LIPH: variants seen among roughly 807,000 people sequenced by gnomAD.
The protein encoded by LIPH is lipase member H.
A neutral mutation model predicts 47.6 loss-of-function variants in LIPH; 32 were observed. The ratio of observed to expected loss-of-function variants is 0.67; its 90% CI spans 0.51 to 0.90. LIPH has a LOEUF of 0.90. Ranked by LOEUF, LIPH falls within the 40% of genes least tolerant of loss-of-function variation. LIPH has a pLI of 0.00. For synonymous variants in LIPH, 190 were observed against 195.6 expected (o/e 0.97, Z 0.24); for missense variants, 497 against 541.4 (o/e 0.92, Z 0.81).
At chr3:185,531,105 T>C (rs1489480859) in intron 3 of LIPH, among the ~76,000 whole-genome samples, 1 of 152,120 alleles carries the variant, frequency 6.6e-6, no homozygotes, top group Non-Finnish European at 1.5e-5. Flanking sequence ...AAAATTATAG[T>C]AAAAGCTGCA....
At chr3:185,527,448 G>T in intron 4 of LIPH, 36 bp downstream of exon 4, 1 of 1,357,272 alleles carries the variant, frequency 7.4e-7, no homozygotes, top group Non-Finnish European at 1.1e-6. Flanking sequence ...TTAGGAGCCT[G>T]GCGGTGTCAC....
chr3:185,535,934 G>A (rs913914699), intron 1 of LIPH, among the ~76,000 whole-genome samples: 1 of 152,132 alleles, frequency 6.6e-6, no homozygotes, highest in Non-Finnish European at 1.5e-5. Flanking sequence ...GAGCTTGTAA[G>A]TAGTGACCTC....
intron 8 of LIPH, among the ~76,000 whole-genome samples, chr3:185,513,947 G>A (rs988161093): frequency 4.6e-5 from 7 of 152,208 alleles, no homozygotes. Context: ...GGCTGAGGCA[G>A]GAGAATCGCT....
chr3:185,519,574 G>A (rs1462650367), intron 5 of LIPH, among the ~76,000 whole-genome samples: 3 of 152,094 alleles, frequency 2.0e-5, no homozygotes, highest in Admixed American at 6.6e-5. Flanking sequence ...AGTGGCTCAC[G>A]CCTGTAATCC....
At chr3:185,536,924 GC>G (rs1158650222) in intron 1 of LIPH, among the ~76,000 whole-genome samples, 1 of 152,110 alleles carries the variant, frequency 6.6e-6, no homozygotes. Context: ...TTGCTCTGTT[GC>G]CCAGGCTGGA....
chr3:185,529,489 G>T (rs1178520798), intron 3 of LIPH, among the ~76,000 whole-genome samples: 1 of 149,174 alleles, frequency 6.7e-6, no homozygotes, highest in South Asian at 2.1e-4. Context: ...TGTTGCCCAG[G>T]CTGGTCTCAA....
rs376062316 is a variant in LIPH at position 185,508,843 on chromosome 3, C to T, written c.1303G>A (p.Glu435Lys). The T allele has an allele frequency of 1.2e-6, 2 of 1,613,908 alleles. No individual in the cohort carries two copies. The highest frequency in any genetic ancestry group is 1.7e-6 in the Non-Finnish European group (2 of 1,179,862). ...QLCRYDLVLMENVETVFQPIL... is the reference protein window; with the variant it reads ...QLCRYDLVLMKNVETVFQPIL... ...GGTTGGAAGACTGTTTCAACGTTTTCCATCAGGACAAGATCATACCGACAC... is the reference window on the plus strand; with the variant it reads ...GGTTGGAAGACTGTTTCAACGTTTTTCATCAGGACAAGATCATACCGACAC... Residue 435 changes from glutamate (E) to lysine (K), a missense_variant, in exon 10 of 10, where the codon GAA becomes AAA. Coordinates refer to ENST00000296252, the MANE Select transcript of LIPH (RefSeq NM_139248.3).
Position 185,534,746 on chromosome 3 carries a change from T to C in LIPH, c.417+19A>G, listed in dbSNP as rs756649421. The C allele has an allele frequency of 6.2e-7, 1 of 1,612,046 alleles. No individual in the cohort carries two copies. The highest frequency in any genetic ancestry group is 8.5e-7 in the Non-Finnish European group (1 of 1,179,340). On this transcript the variant is annotated intron_variant, in intron 2 of 9. Coordinates refer to ENST00000296252, the MANE Select transcript of LIPH (RefSeq NM_139248.3). ...CCAGTTTCAACTTAGCTCTGAATCA[T>C]CTAAGAGAATTCTCTTACCAACATC...
At chr3:185,518,034 G>T (rs190825362) in intron 6 of LIPH, among the ~76,000 whole-genome samples, 6 of 152,274 alleles carry the variant, frequency 3.9e-5, no homozygotes, top group African/African-American at 1.4e-4. Context: ...CTGTGAAAAA[G>T]TTCACTTGTC....
intron 3 of LIPH, among the ~76,000 whole-genome samples, chr3:185,529,920 AAG>A (rs1720262754): frequency 4.7e-5 from 2 of 42,524 alleles, no homozygotes; most frequent in South Asian, 1.4e-3. Flanking sequence ...GAAAGAAAGA[AAG>A]AAAGAAAGAA....
chr3:185,535,591 A>G (rs1260543336), intron 1 of LIPH, among the ~76,000 whole-genome samples: 2 of 149,870 alleles, frequency 1.3e-5, no homozygotes, highest in African/African-American at 5.0e-5. Flanking sequence ...GCCAAATCAT[A>G]TTTGTTTTTT....
At chr3:185,527,743 T>C (rs1259981725) in intron 3 of LIPH, among the ~76,000 whole-genome samples, 158 bp from the exon 4 acceptor site, 1 of 144,130 alleles carries the variant, frequency 6.9e-6, no homozygotes, top group Non-Finnish European at 1.5e-5. Flanking sequence ...CTCCTTTCCA[T>C]GGCTCTGCAG....
At position 185,519,183 on chromosome 3, in the gene LIPH, A is replaced by G. The variant is rs878987114; in HGVS notation, c.845T>C (p.Val282Ala). The change falls in exon 6 of 10, where the codon GTC becomes GCC. Residue 282 changes from valine (V) to alanine (A), a missense_variant. Physicochemically the swap from Val to Ala is moderately conservative, Grantham distance 64. Transcript: ENST00000296252. ...CTCTTTTTGTGACGTGCCGCAGCTG[A>G]CACACTTGCCATTCCTATAATCCTG... ...SYQDYRNGKC[V>A]SCGTSQKESC... 2 of 1,614,044 alleles carry G rather than the reference A, an allele frequency of 1.2e-6. No homozygotes were observed. Among genetic ancestry groups the G allele is most frequent in the South Asian group, 2.2e-5 (2 of 91,074 alleles).
At position 185,517,174 on chromosome 3, in the gene LIPH, GT is replaced by G; in HGVS notation, c.887-13del. 3 of 1,446,482 alleles carry G rather than the reference GT, an allele frequency of 2.1e-6. No homozygotes were observed. The highest frequency in any genetic ancestry group is 2.9e-6 in the Non-Finnish European group (3 of 1,027,518). The allele number at this position is 1,446,482 out of a possible 1,614,324, so 89.6% of individuals were successfully genotyped here. Reference sequence around the variant, plus strand: ...ATCAGCATAATAGCCTATGAAACAAGTTTAAAAAATTGTAAGATTAATATGT... The same window carrying G: ...ATCAGCATAATAGCCTATGAAACAAGTTAAAAAATTGTAAGATTAATATGT... On this transcript the variant is annotated splice_polypyrimidine_tract_variant and intron_variant, in intron 6 of 9. Coordinates refer to ENST00000296252, the MANE Select transcript of LIPH (RefSeq NM_139248.3).
chr3:185,532,481 A>G (rs1276582692), intron 3 of LIPH, among the ~76,000 whole-genome samples: 2 of 150,934 alleles, frequency 1.3e-5, no homozygotes, highest in Admixed American at 1.3e-4. Flanking sequence ...CCTGGGCAAC[A>G]CAGCGAGACC....
At chr3:185,510,422 G>A (rs906389334) in intron 9 of LIPH, among the ~76,000 whole-genome samples, 4 of 151,838 alleles carry the variant, frequency 2.6e-5, no homozygotes, top group Non-Finnish European at 5.9e-5. Flanking sequence ...TCTCCTTCTC[G>A]CCCTCTTTCT....
chr3:185,519,262 G>A lies in LIPH; in HGVS notation c.766C>T (p.Leu256=). The A allele has an allele frequency of 6.2e-7, 1 of 1,613,170 alleles. No homozygotes were observed. Among genetic ancestry groups the A allele is most frequent in the Non-Finnish European group, 8.5e-7 (1 of 1,179,186 alleles). Residue 256 remains leucine, a synonymous_variant, in exon 6 of 10, where the codon CTG becomes TTG. Coordinates refer to ENST00000296252, the MANE Select transcript of LIPH (RefSeq NM_139248.3). ...CDHQRSVYLY[L]SSLRESCTIT... Reference sequence around the variant, plus strand: ...GTGCAGCTCTCTCTCAGGGAAGACAGGTACAGGTATACAGACCTCTGGTGG... The same window carrying A: ...GTGCAGCTCTCTCTCAGGGAAGACAAGTACAGGTATACAGACCTCTGGTGG...
Position 185,508,773 on chromosome 3 carries a change from A to C in LIPH, c.*17T>G, listed in dbSNP as rs1329431299. The C allele has an allele frequency of 1.3e-6, 2 of 1,562,276 alleles. No individual in the cohort carries two copies. Among genetic ancestry groups the C allele is most frequent in the Non-Finnish European group, 1.8e-6 (2 of 1,132,838 alleles). ...AGCTTTCTTTCTATTATTTATGGCCATGTGTCCTGGCAACAGTTACAACTG... is the reference window on the plus strand; with the variant it reads ...AGCTTTCTTTCTATTATTTATGGCCCTGTGTCCTGGCAACAGTTACAACTG... On this transcript the variant is annotated 3_prime_UTR_variant, in exon 10 of 10. Coordinates refer to ENST00000296252, the MANE Select transcript of LIPH (RefSeq NM_139248.3).
chr3:185,516,942 C>A (rs539989721), intron 7 of LIPH, 125 bp downstream of exon 7: 1 of 768,200 alleles, frequency 1.3e-6, no homozygotes, highest in Non-Finnish European at 2.4e-6. Flanking sequence ...AACCGAGGCC[C>A]TTCCAGCTCC....
Sources: gnomAD v4.1 joint callset for allele counts (sites outside exome capture counted in the v4.1 genomes callset) on GRCh38, gnomAD v4.1.1 for gene constraint, MANE v1.5 for transcripts, NCBI Gene and HGNC (gene_info 2026-07-23, HGNC 2026-07-21) for gene names.